Variants in KMT2E observed in about 807,000 individuals in gnomAD.
KMT2E encodes histone reader KMT2E.
Under a neutral mutation model 184.6 loss-of-function variants are expected in KMT2E, and 30 were observed. The observed-to-expected ratio is 0.16, with a 90% CI of 0.12 to 0.22. The LOEUF (loss-of-function observed/expected upper bound fraction) is 0.22, where lower values mean the gene tolerates loss of function less well. Among genes scored for constraint, KMT2E ranks in the 10% least tolerant of loss-of-function variants. KMT2E has a pLI of 1.00. For missense variants in KMT2E, 2,023 were observed against 2,237.4 expected (o/e 0.90, Z 1.93); for synonymous variants, 815 against 776.5 (o/e 1.05, Z -0.82).
chr7:105,031,212 T>G (rs10263499), intron 1 of KMT2E, among the ~76,000 whole-genome samples: 90,020 of 151,330 alleles, frequency 0.59, 28,484 homozygotes, highest in East Asian at 0.92. Context: ...TAAAAAATTA[T>G]CCAGGCGTGG....
chr7:105,112,755 C>T lies in KMT2E; in HGVS notation c.4999C>T (p.His1667Tyr). Residue 1667 changes from histidine (H) to tyrosine (Y), a missense_variant, in exon 27 of 27, where the codon CAT becomes TAT. By Grantham distance (83) the His-to-Tyr change is moderately conservative. This residue lies in a region of KMT2E where 1,108 missense variants were observed against 1,050.9 expected (regional missense o/e 1.05). Coordinates refer to ENST00000311117, the MANE Select transcript of KMT2E (RefSeq NM_182931.3). The part of the protein sequence containing the change: ...GPVHAVTPGS[H>Y]IHSQTAGHHL... Reference sequence around the variant, plus strand: ...TGTTCATGCGGTCACCCCTGGGTCGCATATTCATTCTCAAACTGCTGGACA... The same window carrying T: ...TGTTCATGCGGTCACCCCTGGGTCGTATATTCATTCTCAAACTGCTGGACA... 1 of 1,613,528 alleles carries T rather than the reference C, an allele frequency of 6.2e-7. No individual in the cohort carries two copies. Among genetic ancestry groups the T allele is most frequent in the East Asian group, 2.2e-5 (1 of 44,830 alleles).
At chr7:105,016,094 G>T (rs1794706840) in intron 1 of KMT2E, among the ~76,000 whole-genome samples, 2 of 152,172 alleles carry the variant, frequency 1.3e-5, no homozygotes, top group African/African-American at 2.4e-5. Flanking sequence ...TATTTTATAT[G>T]ATTAAATGTT....
chr7:105,065,271 T>C (rs977204877), intron 5 of KMT2E, among the ~76,000 whole-genome samples: 1 of 152,212 alleles, frequency 6.6e-6, no homozygotes, highest in African/African-American at 2.4e-5. Context: ...ATATTCTAGC[T>C]TTGTTTCTTC....
At chr7:105,085,653 T>C (rs560899065) in intron 13 of KMT2E, among the ~76,000 whole-genome samples, 2 of 152,086 alleles carry the variant, frequency 1.3e-5, no homozygotes, top group South Asian at 4.2e-4. Context: ...ATTGCATCTG[T>C]CTTCCTTCCT....
chr7:105,026,382 T>A (rs1022406364), intron 1 of KMT2E, among the ~76,000 whole-genome samples: 1 of 152,190 alleles, frequency 6.6e-6, no homozygotes, highest in Non-Finnish European at 1.5e-5. Flanking sequence ...TCGTGTGAGA[T>A]TTAAATTCTT....
intron 2 of KMT2E, among the ~76,000 whole-genome samples, chr7:105,040,123 T>C (rs933911025): frequency 1.3e-5 from 2 of 152,278 alleles, no homozygotes; most frequent in Non-Finnish European, 2.9e-5. Context: ...TTACCTGTTA[T>C]AGAAAATGAC....
In KMT2E at chr7:105,023,837, G is replaced by A. The variant is rs534915220; in HGVS notation, c.-189+9302G>A. On this transcript the variant is annotated intron_variant, in intron 1 of 26. Transcript: ENST00000311117. ...CATGCAAATTAATGCTTTTTAAAAG[G>A]GGGTTGGTGAGATGGTATATACACA... Among the ~76,000 whole-genome samples the A allele has an allele frequency of 2.6e-5, 4 of 152,282 alleles. No homozygotes were observed. The South Asian group carries it at 6.2e-4, about 24-fold the overall frequency.
chr7:105,025,080 C>T (rs569685627), intron 1 of KMT2E, among the ~76,000 whole-genome samples: 1 of 152,058 alleles, frequency 6.6e-6, no homozygotes, highest in Non-Finnish European at 1.5e-5. Context: ...ACATGTGGAA[C>T]GTGGCTTATT....
intron 14 of KMT2E, among the ~76,000 whole-genome samples, chr7:105,090,751 A>C (rs954836165): frequency 2.0e-5 from 3 of 152,180 alleles, no homozygotes; most frequent in African/African-American, 7.2e-5. Flanking sequence ...CCCCACCAGT[A>C]AATATATTGT....
chr7:105,055,398 C>G (rs960466222), intron 3 of KMT2E, among the ~76,000 whole-genome samples: 2 of 152,068 alleles, frequency 1.3e-5, no homozygotes, highest in African/African-American at 4.8e-5. Context: ...CATTTCTTAG[C>G]TGGATACGCA....
At chr7:105,070,816 A>G (rs1797253598) in intron 6 of KMT2E, among the ~76,000 whole-genome samples, 1 of 151,644 alleles carries the variant, frequency 6.6e-6, no homozygotes, top group Non-Finnish European at 1.5e-5. Flanking sequence ...CTGTCTCAAA[A>G]ACAGAATTGT....
At position 105,107,959 on chromosome 7, in the gene KMT2E, AGTT is replaced by A. The variant is rs930051432; in HGVS notation, c.3468+35_3468+37del. The A allele has an allele frequency of 2.3e-6, 3 of 1,283,416 alleles. No homozygotes were observed. In the African/African-American group the frequency reaches 4.7e-5, roughly 20 times the overall value. 79.5% of individuals were successfully genotyped at this position (1,283,416 alleles called of 1,614,324 possible). On this transcript the variant is annotated intron_variant, in intron 22 of 26. Coordinates refer to ENST00000311117, the MANE Select transcript of KMT2E (RefSeq NM_182931.3). ...TTTAACAATTTATAGTCCTTTTAAT[AGTT>A]TTTTTTTTTTTTTCATAATACTACT...
In KMT2E at chr7:105,107,242, A is replaced by G; in HGVS notation, c.2904+20A>G. 6.5e-7 allele frequency: 1 copy of G among 1,536,476 alleles called. No homozygotes were observed. The highest frequency in any genetic ancestry group is 1.4e-5 in the African/African-American group (1 of 71,802). On this transcript the variant is annotated intron_variant, in intron 21 of 26. Coordinates refer to ENST00000311117, the MANE Select transcript of KMT2E (RefSeq NM_182931.3). ...CAAGAGGTAAGAAGTTAACTTAAAAAGGGTGAATTGGTAGTTTTTTTCCTA... is the reference window on the plus strand; with the variant it reads ...CAAGAGGTAAGAAGTTAACTTAAAAGGGGTGAATTGGTAGTTTTTTTCCTA...
chr7:105,085,914 C>T (rs534782103), intron 13 of KMT2E, among the ~76,000 whole-genome samples: 6 of 152,216 alleles, frequency 3.9e-5, no homozygotes, highest in East Asian at 1.9e-4. Flanking sequence ...CCTCATGGTC[C>T]GCCCGCCTCG....
chr7:105,027,281 G>A (rs924600538), intron 1 of KMT2E, among the ~76,000 whole-genome samples: 1 of 151,556 alleles, frequency 6.6e-6, no homozygotes, highest in Non-Finnish European at 1.5e-5. Context: ...TAGAGATAGG[G>A]TCTCACTAAA....
chr7:105,077,505 G>A, intron 11 of KMT2E, 72 bp downstream of exon 11: 2 of 1,198,242 alleles, frequency 1.7e-6, no homozygotes, highest in South Asian at 1.3e-5. Flanking sequence ...TTACCTAGAT[G>A]TTGTGATTAT....
Position 105,113,533 on chromosome 7 carries a change from A to G in KMT2E, c.*200A>G, listed in dbSNP as rs1799429900. 11 of 506,586 alleles carry G rather than the reference A, an allele frequency of 2.2e-5. No homozygotes were observed. In the East Asian group the frequency reaches 3.8e-4, roughly 17 times the overall value. 31.4% of individuals were successfully genotyped at this position (506,586 alleles called of 1,614,324 possible). Reference sequence around the variant, plus strand: ...TGTTAAGCCAGTATTAGGTATCTTTATTTTGTAAGTGAACATTCCAGCTGT... The same window carrying G: ...TGTTAAGCCAGTATTAGGTATCTTTGTTTTGTAAGTGAACATTCCAGCTGT... On this transcript the variant is annotated 3_prime_UTR_variant, in exon 27 of 27. Transcript: ENST00000311117.
intron 3 of KMT2E, among the ~76,000 whole-genome samples, chr7:105,055,912 CT>C (rs368973029): frequency 0.011 from 1,642 of 144,790 alleles, 22 homozygotes; most frequent in East Asian, 0.071. Flanking sequence ...AGAAGGATCA[CT>C]TTTTTTTTTT....
Position 105,076,950 on chromosome 7 carries a change from T to C in KMT2E, c.769-13T>C, listed in dbSNP as rs1159966571. On this transcript the variant is annotated splice_polypyrimidine_tract_variant and intron_variant, in intron 9 of 26. Coordinates refer to ENST00000311117, the MANE Select transcript of KMT2E (RefSeq NM_182931.3). ...CGTAAGTCCAGATACTAAAGCTCAG[T>C]TTATGATTTTAGGGTTCAGCTCCAG... 1 of 1,594,792 alleles carries C rather than the reference T, an allele frequency of 6.3e-7. No homozygotes were observed. Among genetic ancestry groups the C allele is most frequent in the Admixed American group, 1.7e-5 (1 of 59,852 alleles).
Sources: gnomAD v4.1 joint callset for allele counts (sites outside exome capture counted in the v4.1 genomes callset) on GRCh38, gnomAD v4.1.1 for gene constraint, gnomAD v4.1.1 regional missense constraint, MANE v1.5 for transcripts, NCBI Gene and HGNC (gene_info 2026-07-23, HGNC 2026-07-21) for gene names.